SLC24A2: variants seen among roughly 807,000 people sequenced by gnomAD.
SLC24A2 encodes the protein sodium/potassium/calcium exchanger 2.
In SLC24A2, 36 loss-of-function variants were observed where a neutral mutation model predicts 62.0. The ratio of observed to expected loss-of-function variants is 0.58; its 90% CI spans 0.44 to 0.77. The LOEUF (loss-of-function observed/expected upper bound fraction) is 0.77, where lower values mean the gene tolerates loss of function less well. Ranked by LOEUF, SLC24A2 falls within the 30% of genes least tolerant of loss-of-function variation. The probability of loss-of-function intolerance (pLI) is 0.00; values close to 1 mark genes in which losing one functional copy is unlikely to be tolerated. For missense variants in SLC24A2, 846 were observed against 817.9 expected, an observed-to-expected ratio of 1.03 and a Z score of -0.42; for synonymous variants, 358 against 294.0, an observed-to-expected ratio of 1.22 and a Z score of -2.23.
chr9:20,192,734 T>TGGGCCTG, the SLC24A2 span, among the ~76,000 whole-genome samples: 2 of 152,192 alleles, frequency 1.3e-5, no homozygotes, highest in Non-Finnish European at 2.9e-5. Context: ...TTGAAATCTC[T>TGGGCCTG]GGGCCTGGGG....
chr9:20,154,073 T>C, the SLC24A2 span, among the ~76,000 whole-genome samples: 8 of 151,996 alleles, frequency 5.3e-5, no homozygotes, highest in African/African-American at 1.7e-4. Flanking sequence ...CTTAGTCTAG[T>C]GTATATGGTT....
chr9:20,063,260 A>T, the SLC24A2 span, among the ~76,000 whole-genome samples: 1 of 151,424 alleles, frequency 6.6e-6, no homozygotes, highest in South Asian at 2.1e-4. Flanking sequence ...CAACAATGAT[A>T]GACTGGATTA....
At chr9:20,289,757 C>A in the SLC24A2 span, among the ~76,000 whole-genome samples, 3 of 152,142 alleles carry the variant, frequency 2.0e-5, no homozygotes, top group African/African-American at 7.2e-5. Flanking sequence ...CCCCAAAATG[C>A]CTCCTCCTGT....
the SLC24A2 span, among the ~76,000 whole-genome samples, chr9:20,087,220 A>C: frequency 6.6e-6 from 1 of 152,064 alleles, no homozygotes; most frequent in Non-Finnish European, 1.5e-5. Context: ...ATAAATATTT[A>C]TTGAGCACCT....
chr9:20,247,743 A>C, the SLC24A2 span, among the ~76,000 whole-genome samples: 4 of 152,198 alleles, frequency 2.6e-5, no homozygotes, highest in East Asian at 7.7e-4. Context: ...TGTTTTCCAG[A>C]GTTGGAGCCT....
intron 8 of SLC24A2, among the ~76,000 whole-genome samples, chr9:19,532,067 C>T (rs1833734719): frequency 6.6e-6 from 1 of 152,156 alleles, no homozygotes; most frequent in South Asian, 2.1e-4. Context: ...CTTTGTGAAT[C>T]ATCCCATATA....
the SLC24A2 span, among the ~76,000 whole-genome samples, chr9:20,160,792 T>A: frequency 2.0e-5 from 3 of 150,920 alleles, no homozygotes; most frequent in African/African-American, 4.8e-5. Flanking sequence ...CTTAAACATC[T>A]TGAATAATAC....
At chr9:20,000,934 T>C in the SLC24A2 span, among the ~76,000 whole-genome samples, 1 of 152,210 alleles carries the variant, frequency 6.6e-6, no homozygotes, top group African/African-American at 2.4e-5. Context: ...TATTGCTTTT[T>C]AAGCTTAGAA....
the SLC24A2 span, among the ~76,000 whole-genome samples, chr9:20,291,525 A>T: frequency 6.6e-6 from 1 of 152,112 alleles, no homozygotes; most frequent in African/African-American, 2.4e-5. Context: ...ATGCTATGGC[A>T]GACACCTTAT....
the SLC24A2 span, among the ~76,000 whole-genome samples, chr9:20,233,494 C>G: frequency 1.3e-5 from 2 of 152,114 alleles, no homozygotes; most frequent in African/African-American, 4.8e-5. Context: ...CCTTCTTTGT[C>G]TCTTTTGATC....
rs180847242 is a variant in SLC24A2 at position 19,532,601 on chromosome 9, G to A, written c.1480-4463C>T. Among the ~76,000 whole-genome samples the A allele has an allele frequency of 3.7e-3, 559 of 152,256 alleles. 4 individuals are homozygous for A. The highest frequency in any genetic ancestry group is 6.5e-3 in the Non-Finnish European group (444 of 68,018). ...ACTGTATTCTCATTTTAGTTTTTAA[G>A]AGATAAAGAAACTGATAATTGGGGA... is the stretch of plus-strand genomic sequence containing the variant. On this transcript the variant is annotated intron_variant, in intron 8 of 10. Transcript: ENST00000341998.
At chr9:19,549,895 A>T (rs1299220602) in intron 8 of SLC24A2, among the ~76,000 whole-genome samples, 2 of 152,228 alleles carry the variant, frequency 1.3e-5, no homozygotes, top group African/African-American at 4.8e-5. Flanking sequence ...TAACCTGAAC[A>T]ATCAGTGTGA....
chr9:19,700,928 G>T (rs1030932176), intron 2 of SLC24A2, among the ~76,000 whole-genome samples: 3 of 152,080 alleles, frequency 2.0e-5, no homozygotes, highest in Non-Finnish European at 2.9e-5. Context: ...AGACTCCAAA[G>T]GTTCGTATGC....
At chr9:20,180,537 T>G in the SLC24A2 span, among the ~76,000 whole-genome samples, 1 of 152,204 alleles carries the variant, frequency 6.6e-6, no homozygotes, top group East Asian at 1.9e-4. Flanking sequence ...TTCCTACTAC[T>G]TTTGAAAATA....
rs772085027 is a variant in SLC24A2, at chr9:19,550,177, A to T, written c.1439T>A (p.Val480Glu). Residue 480 changes from valine to glutamate, a missense_variant, in exon 8 of 11, where the codon GTG becomes GAG. Coordinates refer to ENST00000341998, the MANE Select transcript of SLC24A2 (RefSeq NM_020344.4). ...AGGTAACGTAATCCAGAGAGGAAAC[A>T]CTATGGGGAAAACAATCAGAAACGT... ...QVTFLIVFPI[V>E]FPLWITLPDV... 6.2e-7 allele frequency: 1 copy of T among 1,614,128 alleles called. No individual in the cohort carries two copies. Among genetic ancestry groups the T allele is most frequent in the Non-Finnish European group, 8.5e-7 (1 of 1,179,960 alleles).
At chr9:20,005,162 TCA>T in the SLC24A2 span, among the ~76,000 whole-genome samples, 1 of 152,106 alleles carries the variant, frequency 6.6e-6, no homozygotes, top group Non-Finnish European at 1.5e-5. Context: ...CACCTGATAA[TCA>T]CCTCAAAAAT....
chr9:19,753,778 T>G (rs1250523497), intron 2 of SLC24A2, among the ~76,000 whole-genome samples: 1 of 152,174 alleles, frequency 6.6e-6, no homozygotes, highest in Non-Finnish European at 1.5e-5. Flanking sequence ...AAGGACCAGA[T>G]GGGCATCCTG....
the SLC24A2 span, among the ~76,000 whole-genome samples, chr9:19,924,718 G>A: frequency 6.6e-6 from 1 of 152,158 alleles, no homozygotes. Context: ...GAATAAAGGA[G>A]GAGAAAAGAA....
chr9:19,528,961 AT>A (rs1833562374), intron 8 of SLC24A2, among the ~76,000 whole-genome samples: 1 of 152,202 alleles, frequency 6.6e-6, no homozygotes, highest in Non-Finnish European at 1.5e-5. Context: ...TAGCCAAAAA[AT>A]CAGACACTTG....
Sources: allele counts gnomAD v4.1 joint callset (sites outside exome capture counted in the v4.1 genomes callset), GRCh38; gene constraint gnomAD v4.1.1; transcripts MANE v1.5; gene names NCBI Gene and HGNC (gene_info 2026-07-23, HGNC 2026-07-21).